The following FREM1 variants were observed in gnomAD, a reference collection of about 807,000 sequenced individuals.
The protein encoded by FREM1 is FRAS1-related extracellular matrix protein 1.
FREM1 carries 220 observed loss-of-function variants against 210.1 expected under a neutral mutation model. That is an observed-to-expected ratio of 1.05 (90% CI 0.94 to 1.17). The LOEUF (loss-of-function observed/expected upper bound fraction) is 1.17, where lower values mean the gene tolerates loss of function less well. Among genes scored for constraint, FREM1 ranks in the 50% most tolerant of loss-of-function variants. FREM1 has a pLI of 0.00. For missense variants in FREM1, 3,454 were observed against 2,675.5 expected, an observed-to-expected ratio of 1.29 and a Z score of -6.42; for synonymous variants, 1,189 against 980.2, an observed-to-expected ratio of 1.21 and a Z score of -3.98.
At chr9:14,745,349 T>G (rs1842227515) in intron 35 of FREM1, among the ~76,000 whole-genome samples, 1 of 152,218 alleles carries the variant, frequency 6.6e-6, no homozygotes, top group South Asian at 2.1e-4. Context: ...GGTATTTCAT[T>G]GTGGTTTTCA....
chr9:14,899,560 C>T (rs1455027484), intron 1 of FREM1, among the ~76,000 whole-genome samples: 1 of 152,148 alleles, frequency 6.6e-6, no homozygotes, highest in Middle Eastern at 3.2e-3. Context: ...GAGGATACAG[C>T]AATGTAGAAA....
rs1305474094 is a variant in FREM1, at chr9:14,909,918, A to C, written c.-272T>G. The stretch of plus-strand genomic sequence containing the variant: ...ACACATAAAACAGATACTTACAGGT[A>C]GTGGTTTTCCTTTCCAAGACAAAAA... On this transcript the variant is annotated 5_prime_UTR_variant, in exon 1 of 37. Transcript: ENST00000380880. 2 of 152,270 alleles carry C rather than the reference A, an allele frequency of 1.3e-5. No homozygotes were observed. Among genetic ancestry groups the C allele is most frequent in the Non-Finnish European group, 2.9e-5 (2 of 68,056 alleles). 9.4% of individuals were successfully genotyped at this position (152,270 alleles called of 1,614,324 possible). A position where few individuals can be genotyped will look rare whatever the true frequency, so the allele number is the denominator to read the frequency against.
chr9:14,798,500 T>C (rs946794577), intron 20 of FREM1, among the ~76,000 whole-genome samples: 2 of 151,960 alleles, frequency 1.3e-5, no homozygotes, highest in Non-Finnish European at 2.9e-5. Context: ...TCATAGCTGC[T>C]CAAGAGGCTC....
intron 23 of FREM1, among the ~76,000 whole-genome samples, chr9:14,787,902 AG>A (rs749564897): frequency 2.0e-5 from 3 of 152,206 alleles, no homozygotes; most frequent in Non-Finnish European, 1.5e-5. Context: ...GACTTCTTTA[AG>A]GAACACATTT....
chr9:14,860,780 T>TAC (rs372732430), intron 3 of FREM1, among the ~76,000 whole-genome samples: 3,619 of 84,062 alleles, frequency 0.043, 457 homozygotes, highest in African/African-American at 0.13. Flanking sequence ...TACACATATA[T>TAC]ACATATATAC....
chr9:14,804,877 G>T, intron 19 of FREM1, 79 bp downstream of exon 19: 1 of 1,051,324 alleles, frequency 9.5e-7, no homozygotes, highest in Non-Finnish European at 1.5e-6. Flanking sequence ...TAATGCACTT[G>T]GAGCAATGTA....
At chr9:14,822,381 G>A (rs535950594) in intron 13 of FREM1, among the ~76,000 whole-genome samples, 43 of 152,266 alleles carry the variant, frequency 2.8e-4, no homozygotes, top group Non-Finnish European at 5.0e-4. Flanking sequence ...GAAAGAGAAC[G>A]CCAGTGCAGG....
intron 10 of FREM1, among the ~76,000 whole-genome samples, chr9:14,835,921 G>C (rs942822883): frequency 6.6e-6 from 1 of 152,124 alleles, no homozygotes; most frequent in Non-Finnish European, 1.5e-5. Context: ...CTACGTTTTA[G>C]ACGAACCCTG....
At chr9:14,796,043 G>A (rs531871955) in intron 21 of FREM1, among the ~76,000 whole-genome samples, 19 of 152,180 alleles carry the variant, frequency 1.2e-4, no homozygotes, top group African/African-American at 4.6e-4. Context: ...AAATTTTTTG[G>A]TGAATACTTT....
chr9:14,881,593 T>G (rs1372950926), intron 1 of FREM1, among the ~76,000 whole-genome samples: 3 of 142,194 alleles, frequency 2.1e-5, no homozygotes, highest in African/African-American at 6.2e-5. Flanking sequence ...ATTGTTAAAA[T>G]AATATAGCAA....
intron 3 of FREM1, among the ~76,000 whole-genome samples, chr9:14,860,928 C>T (rs1229023767): frequency 2.8e-5 from 3 of 108,792 alleles, no homozygotes; most frequent in Admixed American, 9.8e-5. Context: ...CACATATATA[C>T]ACATATACAC....
Position 14,759,537 on chromosome 9 carries a change from T to A in FREM1, c.5334+235A>T, listed in dbSNP as rs559591547. Among the ~76,000 whole-genome samples, 25 of 4,934 alleles carry A rather than the reference T, an allele frequency of 5.1e-3. No individual in the cohort carries two copies. The South Asian group carries it at 0.15, about 29-fold the overall frequency. 3.2% of individuals were successfully genotyped at this position (4,934 alleles called of 152,430 possible). A position where few individuals can be genotyped will look rare whatever the true frequency, so the allele number is the denominator to read the frequency against. ...AAATAACAATAATAATAATAATATC[T>A]CTTGTGCTAGCTTCAGCAACACGTA... On this transcript the variant is annotated intron_variant, in intron 28 of 36. Coordinates refer to ENST00000380880, the MANE Select transcript of FREM1 (RefSeq NM_001379081.2).
intron 13 of FREM1, among the ~76,000 whole-genome samples, chr9:14,820,100 A>T (rs187302610): frequency 9.2e-5 from 14 of 152,360 alleles, no homozygotes; most frequent in African/African-American, 2.4e-4. Flanking sequence ...AAGCAAGTTG[A>T]ATGGCTTGGG....
chr9:14,764,605 C>T (rs1266523447), intron 27 of FREM1, among the ~76,000 whole-genome samples: 1 of 152,132 alleles, frequency 6.6e-6, no homozygotes, highest in East Asian at 1.9e-4. Context: ...AGATGGTATT[C>T]GTTGCCACAA....
intron 1 of FREM1, among the ~76,000 whole-genome samples, chr9:14,896,185 C>T (rs1443646599): frequency 1.3e-5 from 2 of 152,194 alleles, no homozygotes; most frequent in Non-Finnish European, 2.9e-5. Flanking sequence ...CCTCCCACTC[C>T]CACCAGCACC....
rs751829555 is a variant in FREM1 at position 14,846,057 on chromosome 9, G to A, written c.1296C>T (p.Ile432=). The change falls in exon 8 of 37, where the codon ATC becomes ATT. Residue 432 remains isoleucine (I), a synonymous_variant. Coordinates refer to ENST00000380880, the MANE Select transcript of FREM1 (RefSeq NM_001379081.2). ...CGACAACCTGAAACTGTTCCCAAGT[G>A]ATGGCTCGAGACTGCCCCTCAAGGA... is the stretch of plus-strand genomic sequence containing the variant. ...LSLLEGQSRA[I]TWEQFQVVDN... is the part of the protein sequence containing the mutation. 18 of 1,595,758 alleles carry A rather than the reference G, an allele frequency of 1.1e-5. No homozygotes were observed. In the South Asian group the frequency reaches 1.8e-4, roughly 16 times the overall value.
rs544976956 is a variant in FREM1 at position 14,866,339 on chromosome 9, G to C, written c.234+2405C>G. Among the ~76,000 whole-genome samples the C allele has an allele frequency of 5.9e-5, 9 of 152,236 alleles. No individual in the cohort carries two copies. The South Asian group carries it at 1.9e-3, about 32-fold the overall frequency. ...TCCCTTTTTGCTCCTCAGTGCCTTG[G>C]AGCAGGCCAAGCAATCAGGACCATT... On this transcript the variant is annotated intron_variant, in intron 2 of 36. Transcript: ENST00000380880.
intron 19 of FREM1, among the ~76,000 whole-genome samples, chr9:14,803,216 TTTTCTTTCTC>T (rs199570134): frequency 0.11 from 15,054 of 141,186 alleles, 843 homozygotes; most frequent in Non-Finnish European, 0.13. Flanking sequence ...CTTCTTTCTC[TTTTCTTTCTC>T]TTTCTTTCTC....
At position 14,907,594 on chromosome 9, in the gene FREM1, T is replaced by C. The variant is rs534332596; in HGVS notation, c.-268+2320A>G. 1.5e-4 allele frequency among the ~76,000 whole-genome samples: 23 copies of C among 152,320 alleles called. No individual in the cohort carries two copies. In the South Asian group the frequency reaches 3.9e-3, roughly 26 times the overall value. On this transcript the variant is annotated intron_variant, in intron 1 of 36. Coordinates refer to ENST00000380880, the MANE Select transcript of FREM1 (RefSeq NM_001379081.2). ...TAACCTGGCGCAGGGAAACAGCCTTTCCAGGGAGTTACGGGATCCCATTGT... is the reference window on the plus strand; with the variant it reads ...TAACCTGGCGCAGGGAAACAGCCTTCCCAGGGAGTTACGGGATCCCATTGT...
Sources: gnomAD v4.1 joint callset for allele counts (sites outside exome capture counted in the v4.1 genomes callset) on GRCh38, gnomAD v4.1.1 for gene constraint, MANE v1.5 for transcripts, NCBI Gene and HGNC (gene_info 2026-07-23, HGNC 2026-07-21) for gene names.